ROBO1: variants seen among roughly 807,000 people sequenced by gnomAD.
ROBO1 encodes roundabout guidance receptor 1.
A neutral mutation model predicts 195.9 loss-of-function variants in ROBO1; 149 were observed. That is an observed-to-expected ratio of 0.76 (90% CI 0.67 to 0.87). The LOEUF (loss-of-function observed/expected upper bound fraction) is 0.87. ROBO1 is among the 40% of genes least tolerant of loss of function. The pLI is 0.00. For missense variants in ROBO1, 1,933 were observed against 2,068.3 expected (o/e 0.93, Z 1.27); for synonymous variants, 816 against 733.2 (o/e 1.11, Z -1.82).
At chr3:78,719,986 A>T (rs2082003046) in intron 5 of ROBO1, among the ~76,000 whole-genome samples, 1 of 152,124 alleles carries the variant, frequency 6.6e-6, no homozygotes, top group Admixed American at 6.6e-5. Flanking sequence ...TTTTGTCTTT[A>T]TCATAACCCT....
At chr3:78,823,350 A>G (rs2031222385) in intron 4 of ROBO1, among the ~76,000 whole-genome samples, 2 of 152,186 alleles carry the variant, frequency 1.3e-5, no homozygotes, top group Non-Finnish European at 2.9e-5. Flanking sequence ...GGACAAGCAA[A>G]TATCTGTAAC....
intron 2 of ROBO1, among the ~76,000 whole-genome samples, chr3:79,583,197 T>G (rs1943713982): frequency 6.6e-6 from 1 of 152,066 alleles, no homozygotes. Flanking sequence ...ACTTAGTGAT[T>G]AAGTTTTTAG....
intron 2 of ROBO1, among the ~76,000 whole-genome samples, chr3:79,413,521 G>A (rs2037868350): frequency 6.6e-6 from 1 of 152,108 alleles, no homozygotes; most frequent in African/African-American, 2.4e-5. Flanking sequence ...GTAGACTTCA[G>A]TTGAATGTTA....
chr3:79,489,419 G>C (rs1037944323), intron 2 of ROBO1, among the ~76,000 whole-genome samples: 2 of 152,024 alleles, frequency 1.3e-5, no homozygotes, highest in Non-Finnish European at 2.9e-5. Flanking sequence ...ACTTTGGGAG[G>C]CCGAGGTGGG....
intron 3 of ROBO1, among the ~76,000 whole-genome samples, chr3:79,085,091 T>A (rs1023592807): frequency 2.0e-5 from 3 of 152,136 alleles, no homozygotes; most frequent in African/African-American, 7.2e-5. Context: ...GAGACACTGT[T>A]TGAGAAATGT....
chr3:79,078,987 A>G (rs2079222887), intron 3 of ROBO1, among the ~76,000 whole-genome samples: 1 of 151,782 alleles, frequency 6.6e-6, no homozygotes, highest in African/African-American at 2.4e-5. Flanking sequence ...GATAGAAATC[A>G]TCTTAGAAAT....
At chr3:78,676,092 C>A (rs1409968925) in intron 10 of ROBO1, among the ~76,000 whole-genome samples, 1 of 152,164 alleles carries the variant, frequency 6.6e-6, no homozygotes, top group Non-Finnish European at 1.5e-5. Context: ...CTAGCAAACT[C>A]CAACAGACCT....
chr3:79,216,144 A>C (rs1415061094), intron 2 of ROBO1, among the ~76,000 whole-genome samples: 1 of 152,046 alleles, frequency 6.6e-6, no homozygotes, highest in Non-Finnish European at 1.5e-5. Flanking sequence ...GGCATATATA[A>C]ACTTTTAAAA....
intron 1 of ROBO1, among the ~76,000 whole-genome samples, chr3:79,694,929 A>C (rs2107112822): frequency 6.6e-6 from 1 of 151,754 alleles, no homozygotes; most frequent in Admixed American, 6.6e-5. Context: ...TGTAATTTTG[A>C]TTCTAGGATT....
chr3:78,704,661 CAAAAAAAA>C (rs1160098731), intron 8 of ROBO1, among the ~76,000 whole-genome samples: 28 of 61,694 alleles, frequency 4.5e-4, no homozygotes, highest in African/African-American at 1.4e-3. Context: ...CTCATCTCTC[CAAAAAAAA>C]AAAAAAAAAA....
At chr3:79,211,208 C>A (rs532361177) in intron 2 of ROBO1, among the ~76,000 whole-genome samples, 2 of 152,074 alleles carry the variant, frequency 1.3e-5, no homozygotes, top group South Asian at 4.2e-4. Context: ...ATGAGACAGT[C>A]AATCAAGTCA....
intron 2 of ROBO1, among the ~76,000 whole-genome samples, chr3:79,523,161 CCACACACACACACACA>C (rs139825740): frequency 3.4e-5 from 5 of 146,368 alleles, no homozygotes; most frequent in East Asian, 2.0e-4. Flanking sequence ...GCTTCATAAA[CCACACACACACACACA>C]CACACACACA....
At chr3:79,703,413 A>G (rs959756418) in intron 1 of ROBO1, among the ~76,000 whole-genome samples, 12 of 151,858 alleles carry the variant, frequency 7.9e-5, no homozygotes, top group Admixed American at 6.6e-4. Flanking sequence ...TCTTAATATA[A>G]TGAAAATAAT....
At chr3:78,994,437 G>A (rs532225447) in intron 3 of ROBO1, among the ~76,000 whole-genome samples, 18 of 152,264 alleles carry the variant, frequency 1.2e-4, no homozygotes, top group African/African-American at 4.3e-4. Context: ...CCTTCTTTAT[G>A]TAAAAGATAG....
chr3:78,608,020 TACACACAC>T lies in ROBO1; in HGVS notation c.4436-987_4436-980del, dbSNP rs56715450. ...GGTATAAATATATGTTAATTTCATT[TACACACAC>T]ACACACACACACACACACACAGTTA... On this transcript the variant is annotated intron_variant, in intron 28 of 30. Transcript: ENST00000464233. Among the ~76,000 whole-genome samples, 1,445 of 149,874 alleles carry T rather than the reference TACACACAC, an allele frequency of 9.6e-3. 8 individuals are homozygous for T. Among genetic ancestry groups the T allele is most frequent in the Non-Finnish European group, 0.014 (954 of 67,394 alleles).
At chr3:79,591,682 G>T (rs1944003717) in intron 1 of ROBO1, among the ~76,000 whole-genome samples, 1 of 151,802 alleles carries the variant, frequency 6.6e-6, no homozygotes, top group Admixed American at 6.6e-5. Flanking sequence ...TTGTCCAAAA[G>T]CTCTTTTACA....
intron 1 of ROBO1, among the ~76,000 whole-genome samples, chr3:79,631,232 A>G (rs1291367649): frequency 6.6e-6 from 1 of 151,960 alleles, no homozygotes. Context: ...ATACCACATT[A>G]CCTGATTTTG....
intron 1 of ROBO1, among the ~76,000 whole-genome samples, chr3:79,643,786 C>T (rs1945736722): frequency 6.6e-6 from 1 of 151,796 alleles, no homozygotes; most frequent in African/African-American, 2.4e-5. Context: ...AATCACTAAG[C>T]CACAAAGAAA....
intron 4 of ROBO1, among the ~76,000 whole-genome samples, chr3:78,924,770 G>A (rs2039118577): frequency 6.6e-6 from 1 of 152,076 alleles, no homozygotes; most frequent in Non-Finnish European, 1.5e-5. Flanking sequence ...CAATGGCAAA[G>A]GCTGTGACAT....
Sources: gnomAD v4.1 joint callset for allele counts (sites outside exome capture counted in the v4.1 genomes callset) on GRCh38, gnomAD v4.1.1 for gene constraint, MANE v1.5 for transcripts, NCBI Gene and HGNC (gene_info 2026-07-23, HGNC 2026-07-21) for gene names.